FGF12: variants seen among roughly 807,000 people sequenced by gnomAD.
The protein encoded by FGF12 is fibroblast growth factor 12B.
A neutral mutation model predicts 23.6 loss-of-function variants in FGF12; 14 were observed. That is an observed-to-expected ratio of 0.59 (90% CI 0.39 to 0.93). FGF12 has a LOEUF of 0.93. Ranked by LOEUF, FGF12 falls within the 40% of genes least tolerant of loss-of-function variation. The probability of loss-of-function intolerance (pLI) is 0.00; values close to 1 mark genes in which losing one functional copy is unlikely to be tolerated. For synonymous variants in FGF12, 62 were observed against 77.3 expected (o/e 0.80, Z 1.04); for missense variants, 175 against 217.8 (o/e 0.80, Z 1.24).
At chr3:192,688,586 G>A (rs1329037116) in intron 2 of FGF12, among the ~76,000 whole-genome samples, 1 of 152,144 alleles carries the variant, frequency 6.6e-6, no homozygotes, top group Non-Finnish European at 1.5e-5. Context: ...GCCCAATCCT[G>A]TCTGATCTCA....
chr3:192,568,493 G>A (rs1712447636), intron 2 of FGF12, among the ~76,000 whole-genome samples: 1 of 152,148 alleles, frequency 6.6e-6, no homozygotes, highest in Non-Finnish European at 1.5e-5. Context: ...TGTAAAATAA[G>A]AGAGTTAGAC....
chr3:192,542,197 T>A (rs1359869724), intron 2 of FGF12, among the ~76,000 whole-genome samples: 3 of 151,856 alleles, frequency 2.0e-5, no homozygotes, highest in Non-Finnish European at 4.4e-5. Context: ...CTTCTTTTTT[T>A]CTGTCTCCCC....
chr3:192,605,495 G>T (rs535716213), intron 2 of FGF12, among the ~76,000 whole-genome samples: 4 of 151,944 alleles, frequency 2.6e-5, no homozygotes, highest in African/African-American at 9.7e-5. Context: ...ATTGACAAGC[G>T]GAACCTAATG....
At chr3:192,711,750 A>G (rs567037050) in intron 2 of FGF12, among the ~76,000 whole-genome samples, 14 of 152,170 alleles carry the variant, frequency 9.2e-5, no homozygotes, top group Admixed American at 6.5e-4. Flanking sequence ...TGAAGGCAGC[A>G]TGCTCCTTAA....
In FGF12 at chr3:192,170,535, TTATTG is replaced by T; in HGVS notation, c.345_349del (p.Asn116ArgfsTer25). 1 of 1,614,016 alleles carries T rather than the reference TTATTG, an allele frequency of 6.2e-7. No homozygotes were observed. The highest frequency in any genetic ancestry group is 8.5e-7 in the Non-Finnish European group (1 of 1,179,986). On this transcript the variant is annotated frameshift_variant, in exon 5 of 6. Coordinates refer to ENST00000445105, the MANE Select transcript of FGF12 (RefSeq NM_004113.6). LOFTEE classifies it high-confidence loss of function. ...GTTCCCCTTCATAATTTGACCTTCT[TTATTG>T]AGTCCCAGAAACCAAGCTCGGCCTG...
chr3:192,608,102 G>A (rs1348895501), intron 2 of FGF12, among the ~76,000 whole-genome samples: 1 of 152,026 alleles, frequency 6.6e-6, no homozygotes, highest in Admixed American at 6.6e-5. Context: ...TAAAACAATC[G>A]AACCTCATAG....
At chr3:192,707,425 A>C (rs1485392590) in intron 2 of FGF12, among the ~76,000 whole-genome samples, 1 of 152,134 alleles carries the variant, frequency 6.6e-6, no homozygotes, top group African/African-American at 2.4e-5. Flanking sequence ...AATAATAATA[A>C]AGAATCATGC....
rs776056463 is a variant in FGF12 at position 192,409,649 on chromosome 3, G to A, written c.14-49111C>T. ...GTCCGCTCGGGTGGGGCGGGGGCTG[G>A]CTGCAGGCGATGTTGGCTCGCGGCG... is the stretch of plus-strand genomic sequence containing the variant. On this transcript the variant is annotated intron_variant, in intron 2 of 5. Coordinates refer to ENST00000445105, the MANE Select transcript of FGF12 (RefSeq NM_004113.6). The surrounding 1 kb of genome is among the most constrained non-coding windows in gnomAD (Gnocchi z 4.8). Among the ~76,000 whole-genome samples the A allele has an allele frequency of 5.3e-5, 8 of 152,178 alleles. No individual in the cohort carries two copies. The highest frequency in any genetic ancestry group is 1.2e-4 in the Non-Finnish European group (8 of 68,014).
Position 192,382,090 on chromosome 3 carries a change from G to A in FGF12, c.14-21552C>T, listed in dbSNP as rs183932450. 1.9e-3 allele frequency among the ~76,000 whole-genome samples: 294 copies of A among 151,824 alleles called. 1 individual carries two copies. The highest frequency in any genetic ancestry group is 4.0e-3 in the South Asian group (19 of 4,804). ...CAGCCCACTGCAACCTCCACCTTCC[G>A]GGTTCAAGCCATTCTCCTGCCTCAG... is the stretch of plus-strand genomic sequence containing the variant. On this transcript the variant is annotated intron_variant, in intron 2 of 5. Transcript: ENST00000445105.
At chr3:192,567,817 C>G (rs1044947168) in intron 2 of FGF12, among the ~76,000 whole-genome samples, 1 of 135,306 alleles carries the variant, frequency 7.4e-6, no homozygotes, top group Admixed American at 7.6e-5. Context: ...CTTTCTTTCT[C>G]TCTCTCTCTC....
chr3:192,727,088 C>T, intron 2 of FGF12, 93 bp downstream of exon 2: 3 of 1,477,316 alleles, frequency 2.0e-6, no homozygotes, highest in Non-Finnish European at 2.8e-6. Context: ...TAGTATGATG[C>T]TCGCTCCCCA....
intron 2 of FGF12, among the ~76,000 whole-genome samples, chr3:192,465,173 T>C (rs1449711420): frequency 6.6e-6 from 1 of 152,206 alleles, no homozygotes; most frequent in Non-Finnish European, 1.5e-5. Flanking sequence ...CAGAACTTTT[T>C]CTTAAGTTAA....
intron 2 of FGF12, among the ~76,000 whole-genome samples, chr3:192,641,187 G>A (rs569652191): frequency 3.3e-5 from 2 of 60,178 alleles, no homozygotes; most frequent in East Asian, 7.3e-4. Context: ...CTCACTGCAA[G>A]CTCCGCCTCC....
chr3:192,666,921 A>C (rs998221971), intron 2 of FGF12, among the ~76,000 whole-genome samples: 1 of 72,284 alleles, frequency 1.4e-5, no homozygotes, highest in Non-Finnish European at 2.9e-5. Flanking sequence ...GATAGATGAT[A>C]GATAGATAGA....
intron 2 of FGF12, among the ~76,000 whole-genome samples, chr3:192,504,100 A>G (rs1303010519): frequency 6.6e-6 from 1 of 152,136 alleles, no homozygotes; most frequent in Admixed American, 6.5e-5. Flanking sequence ...AGAAAACCAG[A>G]TACTGCATGT....
chr3:192,266,798 CCACACACACA>C (rs376275029), intron 4 of FGF12, among the ~76,000 whole-genome samples: 2 of 146,702 alleles, frequency 1.4e-5, no homozygotes, highest in African/African-American at 5.0e-5. Flanking sequence ...TCTTTAAACA[CCACACACACA>C]CACACACACA....
At chr3:192,624,275 G>A (rs1340878027) in intron 2 of FGF12, among the ~76,000 whole-genome samples, 3 of 151,938 alleles carry the variant, frequency 2.0e-5, no homozygotes, top group African/African-American at 7.3e-5. Context: ...GTGCAGAAAG[G>A]CAGTTAGGCC....
At chr3:192,672,190 C>A (rs190990963) in intron 2 of FGF12, among the ~76,000 whole-genome samples, 1 of 141,190 alleles carries the variant, frequency 7.1e-6, no homozygotes, top group Non-Finnish European at 1.6e-5. Flanking sequence ...GTGAGAAGAG[C>A]CTGGGGTGGG....
At chr3:192,381,916 G>C (rs73068596) in intron 2 of FGF12, among the ~76,000 whole-genome samples, 47 of 152,290 alleles carry the variant, frequency 3.1e-4, no homozygotes, top group African/African-American at 1.1e-3. Context: ...GTGAAAGCAA[G>C]GGTCATTTGG....
Sources: gnomAD v4.1 joint callset for allele counts (sites outside exome capture counted in the v4.1 genomes callset) on GRCh38, gnomAD v4.1.1 for gene constraint, Gnocchi (gnomAD v3.1) non-coding constraint, MANE v1.5 for transcripts, NCBI Gene and HGNC (gene_info 2026-07-23, HGNC 2026-07-21) for gene names.